SLC35F3: variants seen among roughly 807,000 people sequenced by gnomAD.
SLC35F3 encodes solute carrier family 35 member F3.
In SLC35F3, 25 loss-of-function variants were observed where a neutral mutation model predicts 49.9. That is an observed-to-expected ratio of 0.50 (90% confidence interval 0.37 to 0.70). The LOEUF is 0.70. SLC35F3 is among the 30% of genes least tolerant of loss of function. SLC35F3 has a pLI of 0.00. For synonymous variants in SLC35F3, 275 were observed against 265.4 expected (o/e 1.04, Z -0.35); for missense variants, 525 against 639.8 (o/e 0.82, Z 1.94).
At chr1:234,074,458 A>G (rs76948809) in intron 2 of SLC35F3, among the ~76,000 whole-genome samples, 1 of 152,198 alleles carries the variant, frequency 6.6e-6, no homozygotes, top group Non-Finnish European at 1.5e-5. Flanking sequence ...ATCTGTAACC[A>G]CAGCCATGAC....
intron 2 of SLC35F3, among the ~76,000 whole-genome samples, chr1:234,155,063 A>G (rs1666130961): frequency 6.6e-6 from 1 of 152,196 alleles, no homozygotes; most frequent in African/African-American, 2.4e-5. Flanking sequence ...TACCTAACAC[A>G]ATGTAAATGC....
chr1:234,246,476 T>A lies in SLC35F3; in HGVS notation c.608+14735T>A, dbSNP rs1415651747. ...GGATAGAGAGGACTAATAAAAGTGA[T>A]AATAAATTATTCAGAGAGTGGAAAA... On this transcript the variant is annotated intron_variant, in intron 3 of 7. Coordinates refer to ENST00000366618, the MANE Select transcript of SLC35F3 (RefSeq NM_173508.4). Among the ~76,000 whole-genome samples, 3 of 152,178 alleles carry A rather than the reference T, an allele frequency of 2.0e-5. No homozygotes were observed. The East Asian group carries it at 5.8e-4, about 29-fold the overall frequency.
chr1:234,045,653 A>T (rs905610045), intron 2 of SLC35F3, among the ~76,000 whole-genome samples: 2 of 152,098 alleles, frequency 1.3e-5, no homozygotes, highest in Admixed American at 6.5e-5. Context: ...TATTATATGC[A>T]CAAGAATCTA....
intron 2 of SLC35F3, among the ~76,000 whole-genome samples, chr1:234,142,108 A>G (rs1282003647): frequency 6.6e-6 from 1 of 152,246 alleles, no homozygotes; most frequent in Non-Finnish European, 1.5e-5. Context: ...TCATGCTACT[A>G]GAAGGCAGAG....
chr1:234,111,930 G>T (rs1665413047), intron 2 of SLC35F3, among the ~76,000 whole-genome samples: 1 of 152,208 alleles, frequency 6.6e-6, no homozygotes, highest in African/African-American at 2.4e-5. Flanking sequence ...GGATCCTGGG[G>T]GAGACAAGCG....
intron 4 of SLC35F3, among the ~76,000 whole-genome samples, chr1:234,312,853 GT>G (rs869073273): frequency 3.2e-5 from 4 of 126,604 alleles, no homozygotes; most frequent in Non-Finnish European, 4.8e-5. Flanking sequence ...TTTTTTTTAG[GT>G]TTTTTTGTTT....
intron 2 of SLC35F3, among the ~76,000 whole-genome samples, chr1:234,118,986 A>G (rs1375164700): frequency 6.6e-6 from 1 of 151,170 alleles, no homozygotes; most frequent in Non-Finnish European, 1.5e-5. Context: ...ATCATTCTGT[A>G]TTAGTTGGCT....
chr1:234,051,910 G>C (rs1249134314), intron 2 of SLC35F3, among the ~76,000 whole-genome samples: 1 of 152,120 alleles, frequency 6.6e-6, no homozygotes, highest in Non-Finnish European at 1.5e-5. Flanking sequence ...TGTGGTTTTT[G>C]TCTTTGGTTC....
At chr1:234,203,881 T>C (rs902633245) in intron 2 of SLC35F3, among the ~76,000 whole-genome samples, 5 of 152,198 alleles carry the variant, frequency 3.3e-5, no homozygotes, top group African/African-American at 1.2e-4. Flanking sequence ...AATTTTTTTC[T>C]GAATATATAT....
intron 2 of SLC35F3, among the ~76,000 whole-genome samples, chr1:234,095,218 C>T (rs1467473311): frequency 6.6e-6 from 1 of 152,096 alleles, no homozygotes. Context: ...CTGAAGAGCA[C>T]CAGGGGCCTC....
intron 2 of SLC35F3, among the ~76,000 whole-genome samples, chr1:234,024,682 A>G (rs1217484634): frequency 1.3e-5 from 2 of 152,108 alleles, no homozygotes; most frequent in African/African-American, 2.4e-5. Flanking sequence ...GTGATAACCC[A>G]TGATCCACTA....
At chr1:233,941,023 A>G (rs1206737066) in intron 2 of SLC35F3, among the ~76,000 whole-genome samples, 1 of 152,178 alleles carries the variant, frequency 6.6e-6, no homozygotes. Context: ...CCCAGTTGTC[A>G]CCACTAAGAA....
At chr1:234,168,314 G>T (rs1235429929) in intron 2 of SLC35F3, among the ~76,000 whole-genome samples, 2 of 152,210 alleles carry the variant, frequency 1.3e-5, no homozygotes, top group Non-Finnish European at 2.9e-5. Flanking sequence ...ACTCCCCCAG[G>T]GGTCCGTGCA....
At chr1:234,255,192 A>C (rs987812238) in intron 3 of SLC35F3, among the ~76,000 whole-genome samples, 1 of 152,248 alleles carries the variant, frequency 6.6e-6, no homozygotes, top group Non-Finnish European at 1.5e-5. Context: ...AAAAGTAGGC[A>C]AAAGATCAAA....
intron 2 of SLC35F3, among the ~76,000 whole-genome samples, chr1:234,043,673 T>G (rs912490361): frequency 1.5e-4 from 23 of 152,166 alleles, no homozygotes; most frequent in Non-Finnish European, 1.8e-4. Flanking sequence ...TCTGAAAAGG[T>G]CTCCAGGACC....
intron 3 of SLC35F3, among the ~76,000 whole-genome samples, chr1:234,257,430 G>T (rs6678062): frequency 0.12 from 17,849 of 152,122 alleles, 1,178 homozygotes; most frequent in South Asian, 0.24. Flanking sequence ...CACTGCCATA[G>T]ATTACTGATT....
chr1:234,299,803 TC>T, intron 3 of SLC35F3, among the ~76,000 whole-genome samples: 1 of 13,252 alleles, frequency 7.5e-5, no homozygotes, highest in Admixed American at 7.1e-4. Flanking sequence ...AGACTCCATC[TC>T]AAAAAAAAAA....
chr1:234,143,282 TC>T lies in SLC35F3; in HGVS notation c.284-88134del, dbSNP rs1205128100. Reference sequence around the variant, plus strand: ...TTCTATGAGTTTGACTCTTTTCTTTTCTTTTCTTTTTTTTTTTTTTTTTGAG... The same window carrying T: ...TTCTATGAGTTTGACTCTTTTCTTTTTTTTCTTTTTTTTTTTTTTTTTGAG... On this transcript the variant is annotated intron_variant, in intron 2 of 7. Transcript: ENST00000366618. Among the ~76,000 whole-genome samples, 257 of 124,178 alleles carry T rather than the reference TC, an allele frequency of 2.1e-3. 1 individual carries two copies. Among genetic ancestry groups the T allele is most frequent in the African/African-American group, 9.7e-3 (248 of 25,496 alleles). 81.5% of individuals were successfully genotyped at this position (124,178 alleles called of 152,430 possible). A position where few individuals can be genotyped will look rare whatever the true frequency, so the allele number is the denominator to read the frequency against.
intron 3 of SLC35F3, among the ~76,000 whole-genome samples, chr1:234,279,852 A>G (rs996294607): frequency 4.6e-5 from 7 of 152,190 alleles, no homozygotes; most frequent in African/African-American, 1.4e-4. Context: ...GCTTTGCTCC[A>G]TTCATTATGT....
Sources: gnomAD v4.1 joint callset for allele counts (sites outside exome capture counted in the v4.1 genomes callset) on GRCh38, gnomAD v4.1.1 for gene constraint, MANE v1.5 for transcripts, NCBI Gene and HGNC (gene_info 2026-07-23, HGNC 2026-07-21) for gene names.